The following FSHR variants were observed in gnomAD, a reference collection of about 807,000 sequenced individuals.
FSHR encodes the protein follicle stimulating hormone receptor, also known as follicle-stimulating hormone receptor.
FSHR carries 46 observed loss-of-function variants against 52.1 expected under a neutral mutation model. The observed-to-expected ratio is 0.88, with a 90% CI of 0.70 to 1.13. The LOEUF is 1.13. FSHR is among the 50% of genes most tolerant of loss of function. FSHR has a pLI of 0.00. For synonymous variants in FSHR, 399 were observed against 309.6 expected, an observed-to-expected ratio of 1.29 and a Z score of -3.03; for missense variants, 964 against 834.6, an observed-to-expected ratio of 1.16 and a Z score of -1.91.
intron 2 of FSHR, among the ~76,000 whole-genome samples, chr2:49,029,279 G>A (rs112541793): frequency 0.012 from 1,770 of 152,124 alleles, 39 homozygotes; most frequent in African/African-American, 0.04. Flanking sequence ...ATTGAATTAC[G>A]GGCCCTTGGC....
chr2:48,982,132 C>G (rs1013662570), intron 8 of FSHR, among the ~76,000 whole-genome samples: 2 of 152,100 alleles, frequency 1.3e-5, no homozygotes, highest in African/African-American at 4.8e-5. Flanking sequence ...ATTGTCCCCC[C>G]ACCAAAGAAG....
intron 2 of FSHR, among the ~76,000 whole-genome samples, chr2:49,031,099 T>G (rs934992609): frequency 6.6e-6 from 1 of 152,182 alleles, no homozygotes; most frequent in Non-Finnish European, 1.5e-5. Context: ...AGGCCTTTGC[T>G]GTACCTTTGG....
intron 4 of FSHR, among the ~76,000 whole-genome samples, chr2:49,014,504 G>T (rs1033004029): frequency 9.9e-5 from 15 of 152,000 alleles, no homozygotes; most frequent in African/African-American, 3.4e-4. Flanking sequence ...CCTCTGTCTG[G>T]AGCTGTGCTT....
chr2:48,968,829 A>C lies in FSHR; in HGVS notation c.723T>G (p.Leu241=). The C allele has an allele frequency of 6.2e-7, 1 of 1,614,080 alleles. No homozygotes were observed. The change falls in exon 9 of 10, where the codon CTT becomes CTG. Residue 241 remains leucine, a synonymous_variant. Coordinates refer to ENST00000406846, the MANE Select transcript of FSHR (RefSeq NM_000145.4). ...AAGTCGACCTGGCCCTCAGCTTCTTAAGATTTTCTAAGCCATAGCTAGGCA... is the reference window on the plus strand; with the variant it reads ...AAGTCGACCTGGCCCTCAGCTTCTTCAGATTTTCTAAGCCATAGCTAGGCA... ...HSLPSYGLEN[L]KKLRARSTYN... is the part of the protein sequence containing the mutation.
chr2:48,971,631 A>C (rs1189915997), intron 8 of FSHR, among the ~76,000 whole-genome samples: 5 of 152,206 alleles, frequency 3.3e-5, no homozygotes, highest in Non-Finnish European at 7.4e-5. Flanking sequence ...CAATTAGATC[A>C]AATCTCCTAT....
At chr2:49,070,701 G>T (rs1461637384) in intron 1 of FSHR, among the ~76,000 whole-genome samples, 1 of 152,104 alleles carries the variant, frequency 6.6e-6, no homozygotes, top group Non-Finnish European at 1.5e-5. Context: ...CAAGGACTAT[G>T]TCTGTATTAA....
chr2:49,121,505 A>C (rs1405754287), intron 1 of FSHR, among the ~76,000 whole-genome samples: 1 of 149,158 alleles, frequency 6.7e-6, no homozygotes, highest in Non-Finnish European at 1.5e-5. Context: ...AGTTGAAAGC[A>C]GTGTGGGAAG....
rs111538507 is a variant in FSHR, at chr2:48,975,943, T to C, written c.668+6969A>G. 3.1e-3 allele frequency among the ~76,000 whole-genome samples: 473 copies of C among 152,316 alleles called. 6 individuals are homozygous for C. Among genetic ancestry groups the C allele is most frequent in the African/African-American group, 0.011 (458 of 41,564 alleles). On this transcript the variant is annotated intron_variant, in intron 8 of 9. Transcript: ENST00000406846. ...TCATGTCATCCGCAAACGGACAATC[T>C]GACTTCCTCTCTTCCTATTTGAATA...
In FSHR at chr2:49,127,898, C is replaced by CTTTT. The variant is rs766862227; in HGVS notation, c.152+26364_152+26367dup. On this transcript the variant is annotated intron_variant, in intron 1 of 9. Transcript: ENST00000406846. ...TCTTCTTCTTCTTCTTCTTCTTCTT[C>CTTTT]TTTTTTTTTTTTGAGACGGAGTCTT... 1.1e-4 allele frequency among the ~76,000 whole-genome samples: 3 copies of CTTTT among 27,260 alleles called. 1 individual carries two copies. The highest frequency in any genetic ancestry group is 4.4e-4 in the Admixed American group (1 of 2,282). The allele number at this position is 27,260 out of a possible 152,430, so 17.9% of individuals were successfully genotyped here.
At chr2:49,028,089 T>C (rs753501932) in intron 2 of FSHR, among the ~76,000 whole-genome samples, 2 of 152,084 alleles carry the variant, frequency 1.3e-5, no homozygotes, top group Non-Finnish European at 2.9e-5. Context: ...CCTGACACTT[T>C]TGGCAGAGGC....
rs113275660 is a variant in FSHR at position 49,130,724 on chromosome 2, A to G, written c.152+23542T>C. On this transcript the variant is annotated intron_variant, in intron 1 of 9. Coordinates refer to ENST00000406846, the MANE Select transcript of FSHR (RefSeq NM_000145.4). ...GCTTAAGGGTCTCCTCCTTTAAACA[A>G]TCTTTAGGAAAATGACATTCACCCA... Among the ~76,000 whole-genome samples, 258 of 152,302 alleles carry G rather than the reference A, an allele frequency of 1.7e-3. 1 individual carries two copies. The highest frequency in any genetic ancestry group is 5.8e-3 in the African/African-American group (242 of 41,572).
chr2:49,103,209 G>A (rs1263871209), intron 1 of FSHR, among the ~76,000 whole-genome samples: 1 of 152,120 alleles, frequency 6.6e-6, no homozygotes, highest in African/African-American at 2.4e-5. Flanking sequence ...GACATTACTT[G>A]GAAGGAAATA....
chr2:49,095,143 C>G (rs887577126), intron 1 of FSHR, among the ~76,000 whole-genome samples: 1 of 151,924 alleles, frequency 6.6e-6, no homozygotes, highest in Non-Finnish European at 1.5e-5. Flanking sequence ...CTAAAATTTA[C>G]AAAAATATGC....
intron 1 of FSHR, among the ~76,000 whole-genome samples, chr2:49,137,935 TA>T (rs943043233): frequency 2.0e-5 from 3 of 151,952 alleles, no homozygotes; most frequent in Non-Finnish European, 2.9e-5. Context: ...AAAAAAAGAA[TA>T]AAAAAATACT....
chr2:49,081,163 A>G (rs925501692), intron 1 of FSHR, among the ~76,000 whole-genome samples: 1 of 152,020 alleles, frequency 6.6e-6, no homozygotes, highest in Non-Finnish European at 1.5e-5. Context: ...TATCTTTTCA[A>G]TGGTAGTTGT....
chr2:48,982,862 A>G (rs1489698108), intron 8 of FSHR, 50 bp downstream of exon 8: 2 of 1,482,922 alleles, frequency 1.3e-6, no homozygotes, highest in Non-Finnish European at 1.9e-6. Context: ...GTTGACTTCT[A>G]ACTTACACAA....
At chr2:49,117,346 G>T (rs2103769675) in intron 1 of FSHR, among the ~76,000 whole-genome samples, 1 of 152,252 alleles carries the variant, frequency 6.6e-6, no homozygotes, top group South Asian at 2.1e-4. Context: ...TAGTGAATGG[G>T]ACATATCATA....
chr2:49,072,129 T>A (rs1504171), intron 1 of FSHR, among the ~76,000 whole-genome samples: 37,267 of 152,084 alleles, frequency 0.25, 4,670 homozygotes, highest in South Asian at 0.3. Flanking sequence ...ATGATGATGC[T>A]ATTAAATTAC....
intron 1 of FSHR, among the ~76,000 whole-genome samples, chr2:49,094,971 C>T (rs1670766811): frequency 6.6e-6 from 1 of 151,548 alleles, no homozygotes; most frequent in African/African-American, 2.4e-5. Context: ...GGATATTATC[C>T]CTTATAGAAC....
Sources: gnomAD v4.1 joint callset for allele counts (sites outside exome capture counted in the v4.1 genomes callset) on GRCh38, gnomAD v4.1.1 for gene constraint, MANE v1.5 for transcripts, NCBI Gene and HGNC (gene_info 2026-07-23, HGNC 2026-07-21) for gene names.